ZNF385D: variants seen among roughly 807,000 people sequenced by gnomAD.
ZNF385D encodes zinc finger protein 659.
ZNF385D carries 15 observed loss-of-function variants against 35.8 expected under a neutral mutation model. The observed-to-expected ratio is 0.42, with a 90% CI of 0.28 to 0.64. The LOEUF (loss-of-function observed/expected upper bound fraction) is 0.64. ZNF385D is among the 30% of genes least tolerant of loss of function. The pLI is 0.23. For synonymous variants in ZNF385D, 212 were observed against 186.8 expected, an observed-to-expected ratio of 1.13 and a Z score of -1.10; for missense variants, 474 against 494.6, an observed-to-expected ratio of 0.96 and a Z score of 0.39.
intron 3 of ZNF385D, among the ~76,000 whole-genome samples, chr3:22,019,202 A>G (rs984184606): frequency 6.6e-6 from 1 of 151,688 alleles, no homozygotes; most frequent in African/African-American, 2.4e-5. Flanking sequence ...CATAGGGCCA[A>G]TATATGACCT....
chr3:21,873,228 T>C (rs1255553767), intron 3 of ZNF385D, among the ~76,000 whole-genome samples: 4 of 152,088 alleles, frequency 2.6e-5, no homozygotes, highest in Non-Finnish European at 5.9e-5. Flanking sequence ...TCATGCAGCA[T>C]ACAATGTACT....
chr3:21,565,554 A>ATTAATTCT lies in ZNF385D; in HGVS notation c.166-871_166-870insAGAATTAA, dbSNP rs1553613776. Among the ~76,000 whole-genome samples the ATTAATTCT allele has an allele frequency of 1.7e-3, 256 of 151,436 alleles. 6 individuals carry two copies. Among genetic ancestry groups the ATTAATTCT allele is most frequent in the Non-Finnish European group, 4.7e-4 (32 of 67,894 alleles). On this transcript the variant is annotated intron_variant, in intron 2 of 7. Transcript: ENST00000281523. ...CCACCACACCCAGCCCTTGATCTTA[A>ATTAATTCT]TTCTTTCATGTAACTTCTTTCACTA...
chr3:21,690,014 A>C (rs1185654382), intron 1 of ZNF385D, among the ~76,000 whole-genome samples: 1 of 152,158 alleles, frequency 6.6e-6, no homozygotes, highest in Non-Finnish European at 1.5e-5. Flanking sequence ...ACTGAAATTA[A>C]AGATAACAAA....
At position 21,636,378 on chromosome 3, in the gene ZNF385D, TTATA is replaced by T. The variant is rs1183440640; in HGVS notation, c.165+28504_165+28507del. On this transcript the variant is annotated intron_variant, in intron 2 of 7. Coordinates refer to ENST00000281523, the MANE Select transcript of ZNF385D (RefSeq NM_024697.3). ...ATTATATATGATTATATATATATGATTATATATATATATATATATATATATATAT... is the reference window on the plus strand; with the variant it reads ...ATTATATATGATTATATATATATGATTATATATATATATATATATATATAT... 6.3e-3 allele frequency among the ~76,000 whole-genome samples: 301 copies of T among 47,970 alleles called. 3 individuals carry two copies. The highest frequency in any genetic ancestry group is 0.028 in the South Asian group (33 of 1,200). 31.5% of individuals were successfully genotyped at this position (47,970 alleles called of 152,430 possible). A position where few individuals can be genotyped will look rare whatever the true frequency, so the allele number is the denominator to read the frequency against.
intron 3 of ZNF385D, among the ~76,000 whole-genome samples, chr3:21,989,144 G>A (rs545867701): frequency 1.7e-4 from 26 of 152,242 alleles, no homozygotes; most frequent in East Asian, 5.8e-4. Context: ...GCTGTAGACC[G>A]GAGCTGTTCC....
At chr3:21,630,081 G>C (rs2065239619) in intron 2 of ZNF385D, among the ~76,000 whole-genome samples, 1 of 152,126 alleles carries the variant, frequency 6.6e-6, no homozygotes, top group South Asian at 2.1e-4. Context: ...ATTTGATACA[G>C]AGGAAAATTA....
At chr3:22,363,367 A>G (rs1696505281) in intron 2 of ZNF385D, among the ~76,000 whole-genome samples, 1 of 152,162 alleles carries the variant, frequency 6.6e-6, no homozygotes, top group African/African-American at 2.4e-5. Context: ...AAGGGGAAAA[A>G]TGGATAGGGC....
chr3:21,760,255 T>C (rs1184600716), intron 3 of ZNF385D, among the ~76,000 whole-genome samples: 2 of 152,208 alleles, frequency 1.3e-5, no homozygotes, highest in East Asian at 1.9e-4. Flanking sequence ...CCACCACGAA[T>C]ACCATTTAAC....
chr3:21,991,152 G>C (rs1695125023), intron 3 of ZNF385D, among the ~76,000 whole-genome samples: 1 of 152,176 alleles, frequency 6.6e-6, no homozygotes, highest in Non-Finnish European at 1.5e-5. Flanking sequence ...TTTGCTGTCA[G>C]TGTTTTATGC....
At chr3:22,141,185 A>T (rs1219357028) in intron 3 of ZNF385D, among the ~76,000 whole-genome samples, 1 of 152,154 alleles carries the variant, frequency 6.6e-6, no homozygotes, top group Non-Finnish European at 1.5e-5. Flanking sequence ...ATAATAACAA[A>T]TCATTCTCTT....
At chr3:22,039,269 A>AAG (rs1346659750) in intron 3 of ZNF385D, among the ~76,000 whole-genome samples, 2 of 140,144 alleles carry the variant, frequency 1.4e-5, no homozygotes, top group African/African-American at 2.6e-5. Context: ...AAAAAAAAAA[A>AAG]AAAAGAGTCT....
chr3:21,982,581 C>T (rs1694536276), intron 3 of ZNF385D, among the ~76,000 whole-genome samples: 2 of 152,268 alleles, frequency 1.3e-5, no homozygotes, highest in East Asian at 1.9e-4. Flanking sequence ...TTATTCCTTT[C>T]TCTTGCCTGT....
At chr3:22,125,129 C>T (rs1703352584) in intron 3 of ZNF385D, among the ~76,000 whole-genome samples, 1 of 152,108 alleles carries the variant, frequency 6.6e-6, no homozygotes, top group African/African-American at 2.4e-5. Context: ...CATTCTTTTG[C>T]ATACATATGT....
At chr3:22,312,114 A>G (rs1434038027) in intron 2 of ZNF385D, among the ~76,000 whole-genome samples, 2 of 152,132 alleles carry the variant, frequency 1.3e-5, no homozygotes, top group South Asian at 4.1e-4. Flanking sequence ...GCCTAAGTTC[A>G]TAGGGACTCT....
intron 2 of ZNF385D, among the ~76,000 whole-genome samples, chr3:22,298,078 T>C (rs1194703365): frequency 2.0e-5 from 3 of 151,978 alleles, no homozygotes; most frequent in Non-Finnish European, 4.4e-5. Context: ...TGTGTCTCTA[T>C]TGCTTGATTT....
chr3:22,322,396 C>T (rs147236126), intron 2 of ZNF385D, among the ~76,000 whole-genome samples: 1 of 151,968 alleles, frequency 6.6e-6, no homozygotes, highest in African/African-American at 2.4e-5. Flanking sequence ...TCCTTCTGAC[C>T]TCCAGATACT....
Position 21,564,696 on chromosome 3 carries a change from A to AAAAAG in ZNF385D, c.166-17_166-13dup. On this transcript the variant is annotated splice_polypyrimidine_tract_variant and intron_variant, in intron 2 of 7. Transcript: ENST00000281523. The stretch of plus-strand genomic sequence containing the variant: ...TGAATCGGGTCCATCTGTAATGAGA[A>AAAAAG]AAAAGAAATACAACAAATAGAAATA... The AAAAAG allele has an allele frequency of 6.8e-7, 1 of 1,481,312 alleles. No homozygotes were observed. Among genetic ancestry groups the AAAAAG allele is most frequent in the Non-Finnish European group, 9.1e-7 (1 of 1,095,720 alleles). 91.8% of individuals were successfully genotyped at this position (1,481,312 alleles called of 1,614,324 possible).
intron 5 of ZNF385D, among the ~76,000 whole-genome samples, chr3:21,435,143 G>C (rs1701486518): frequency 2.6e-5 from 4 of 151,968 alleles, no homozygotes; most frequent in Admixed American, 1.3e-4. Flanking sequence ...ACAAAGTAGA[G>C]ATAAGGACCT....
At chr3:21,982,750 T>C (rs1194169378) in intron 3 of ZNF385D, among the ~76,000 whole-genome samples, 1 of 152,210 alleles carries the variant, frequency 6.6e-6, no homozygotes, top group East Asian at 1.9e-4. Context: ...TATTTTGAGG[T>C]ATGTTTCTAC....
Sources: gnomAD v4.1 joint callset for allele counts (sites outside exome capture counted in the v4.1 genomes callset) on GRCh38, gnomAD v4.1.1 for gene constraint, MANE v1.5 for transcripts, NCBI Gene and HGNC (gene_info 2026-07-23, HGNC 2026-07-21) for gene names.